USP8: variants seen among roughly 807,000 people sequenced by gnomAD.
USP8 encodes the protein ubiquitin carboxyl-terminal hydrolase 8.
Under a neutral mutation model 130.0 loss-of-function variants are expected in USP8, and 27 were observed. That is an observed-to-expected ratio of 0.21 (90% confidence interval 0.15 to 0.29). The LOEUF is 0.29. Among genes scored for constraint, USP8 ranks in the 10% least tolerant of loss-of-function variants. The pLI is 1.00. For missense variants in USP8, 1,029 were observed against 1,312.2 expected (o/e 0.78, Z 3.33); for synonymous variants, 392 against 444.1 (o/e 0.88, Z 1.48).
chr15:50,498,749 A>G (rs747754058), intron 19 of USP8, 21 bp downstream of exon 19: 2 of 1,579,618 alleles, frequency 1.3e-6, no homozygotes, highest in Admixed American at 3.7e-5. Flanking sequence ...CTTTGAACTG[A>G]AGACTTTTTG....
At chr15:50,433,827 G>C (rs575247692) in intron 1 of USP8, among the ~76,000 whole-genome samples, 9 of 152,088 alleles carry the variant, frequency 5.9e-5, no homozygotes, top group Non-Finnish European at 1.3e-4. Flanking sequence ...GGATGGTCTT[G>C]ATCTCCTGAC....
In USP8 at chr15:50,471,605, C is replaced by T. The variant is rs373635728; in HGVS notation, c.687-28C>T. The T allele has an allele frequency of 1.7e-5, 27 of 1,600,094 alleles. No individual in the cohort carries two copies. In the South Asian group the frequency reaches 2.5e-4, roughly 15 times the overall value. On this transcript the variant is annotated intron_variant, in intron 7 of 19. Transcript: ENST00000307179. Reference sequence around the variant, plus strand: ...TATTAGGACCTCTTGTTGACTTTTGCCCCAATTTAAATATTAATACATTTC... The same window carrying T: ...TATTAGGACCTCTTGTTGACTTTTGTCCCAATTTAAATATTAATACATTTC...
chr15:50,453,860 CTTTTTTT>C (rs71124355), intron 4 of USP8, among the ~76,000 whole-genome samples: 1 of 86,962 alleles, frequency 1.1e-5, no homozygotes, highest in Non-Finnish European at 2.1e-5. Flanking sequence ...TGGGAATATT[CTTTTTTT>C]TTTTTTTTTT....
intron 1 of USP8, among the ~76,000 whole-genome samples, chr15:50,428,731 G>A (rs562660659): frequency 1.3e-5 from 2 of 152,330 alleles, no homozygotes; most frequent in Admixed American, 1.3e-4. Flanking sequence ...TAATTTTGCA[G>A]ATAAAAGATC....
At chr15:50,435,226 A>G (rs1041103085) in intron 1 of USP8, among the ~76,000 whole-genome samples, 1 of 152,210 alleles carries the variant, frequency 6.6e-6, no homozygotes, top group African/African-American at 2.4e-5. Flanking sequence ...GAGGTTGGAT[A>G]CACAGTCAGC....
At chr15:50,484,477 C>T (rs1476052995) in intron 12 of USP8, 116 bp downstream of exon 12, 15 of 779,320 alleles carry the variant, frequency 1.9e-5, no homozygotes, top group Middle Eastern at 6.9e-4. Context: ...GTAAGGGGAT[C>T]GTTGCCATCT....
chr15:50,485,001 T>C (rs987699397), intron 12 of USP8, among the ~76,000 whole-genome samples: 5 of 152,150 alleles, frequency 3.3e-5, no homozygotes, highest in African/African-American at 7.2e-5. Context: ...TGGGGAGTTA[T>C]TGTTCAGTAG....
chr15:50,428,409 G>A (rs995295513), intron 1 of USP8, among the ~76,000 whole-genome samples: 6 of 152,138 alleles, frequency 3.9e-5, no homozygotes, highest in African/African-American at 1.4e-4. Flanking sequence ...TAGCTACCAC[G>A]CCGGGCCTAC....
rs1461216654 is a variant in USP8, at chr15:50,498,743, G to C, written c.3171+15G>C. The C allele has an allele frequency of 2.5e-6, 4 of 1,583,864 alleles. No homozygotes were observed. Among genetic ancestry groups the C allele is most frequent in the Admixed American group, 1.8e-5 (1 of 54,870 alleles). Reference sequence around the variant, plus strand: ...TTTCTGTTTCAGTAAGTATCTCTTTGAACTGAAGACTTTTTGTTTCAAAGC... The same window carrying C: ...TTTCTGTTTCAGTAAGTATCTCTTTCAACTGAAGACTTTTTGTTTCAAAGC... On this transcript the variant is annotated intron_variant, in intron 19 of 19. Transcript: ENST00000307179.
At chr15:50,487,399 TCTC>T (rs2052005200) in intron 12 of USP8, among the ~76,000 whole-genome samples, 4 of 152,002 alleles carry the variant, frequency 2.6e-5, no homozygotes, top group Non-Finnish European at 4.4e-5. Flanking sequence ...ACACATGCCT[TCTC>T]TTCTTCTGAC....
At chr15:50,493,507 C>T in intron 15 of USP8, 1 of 518,190 alleles carries the variant, frequency 1.9e-6, no homozygotes, top group Admixed American at 1.9e-5. Context: ...AATCCTAGCA[C>T]TTTGGGAGGC....
Position 50,501,103 on chromosome 15 carries a change from T to G in USP8, c.*2015T>G. ...GCAGCATCTGATTAATGTTTATCAGTGAACATTTAGTTAGCACTTAATATA... is the reference window on the plus strand; with the variant it reads ...GCAGCATCTGATTAATGTTTATCAGGGAACATTTAGTTAGCACTTAATATA... On this transcript the variant is annotated 3_prime_UTR_variant, in exon 20 of 20. Coordinates refer to ENST00000307179, the MANE Select transcript of USP8 (RefSeq NM_005154.5). 2.7e-6 allele frequency: 1 copy of G among 376,038 alleles called. No individual in the cohort carries two copies. Among genetic ancestry groups the G allele is most frequent in the Non-Finnish European group, 5.1e-6 (1 of 197,996 alleles). 23.3% of individuals were successfully genotyped at this position (376,038 alleles called of 1,614,324 possible).
At chr15:50,442,620 C>T (rs2141257952) in intron 3 of USP8, among the ~76,000 whole-genome samples, 1 of 152,140 alleles carries the variant, frequency 6.6e-6, no homozygotes, top group Admixed American at 6.5e-5. Flanking sequence ...TGGCGGGCGC[C>T]TGTAATCCAA....
At position 50,505,915 on chromosome 15, in the gene USP8, G is replaced by A. The variant is rs1282918633; in HGVS notation, c.*6827G>A. On this transcript the variant is annotated 3_prime_UTR_variant, in exon 20 of 20. Transcript: ENST00000307179. ...AAACTGTAGTGAGCTATGATTCATT[G>A]CACTAGTGCACTCCAGTCTGGGCAA... The A allele has an allele frequency of 6.6e-6, 1 of 152,258 alleles. No homozygotes were observed. The highest frequency in any genetic ancestry group is 1.5e-5 in the Non-Finnish European group (1 of 68,102). 9.4% of individuals were successfully genotyped at this position (152,258 alleles called of 1,614,324 possible).
At chr15:50,478,848 A>T (rs1376716902) in intron 10 of USP8, among the ~76,000 whole-genome samples, 1 of 152,168 alleles carries the variant, frequency 6.6e-6, no homozygotes, top group East Asian at 1.9e-4. Context: ...TGAGGTCAGG[A>T]GTTCCAGACC....
chr15:50,455,151 C>A (rs2050751937), intron 4 of USP8, among the ~76,000 whole-genome samples: 1 of 151,352 alleles, frequency 6.6e-6, no homozygotes. Context: ...TCACATCTCA[C>A]TGCAACCTCA....
intron 1 of USP8, among the ~76,000 whole-genome samples, chr15:50,437,119 G>A (rs943013037): frequency 3.3e-5 from 5 of 151,818 alleles, no homozygotes; most frequent in African/African-American, 1.2e-4. Context: ...CTTTACTCAC[G>A]TTTGCGTTGT....
At chr15:50,459,410 C>G (rs957740486) in intron 5 of USP8, among the ~76,000 whole-genome samples, 1 of 152,070 alleles carries the variant, frequency 6.6e-6, no homozygotes, top group African/African-American at 2.4e-5. Context: ...ATAGCGAAAC[C>G]CCGACTCTAC....
intron 1 of USP8, among the ~76,000 whole-genome samples, chr15:50,425,281 T>C (rs1410945115): frequency 6.6e-6 from 1 of 152,250 alleles, no homozygotes; most frequent in East Asian, 1.9e-4. Flanking sequence ...AAGGGATTTA[T>C]ATCTAAAGGA....
Sources: allele counts gnomAD v4.1 joint callset (sites outside exome capture counted in the v4.1 genomes callset), GRCh38; gene constraint gnomAD v4.1.1; transcripts MANE v1.5; gene names NCBI Gene and HGNC (gene_info 2026-07-23, HGNC 2026-07-21).